The following RAP1GDS1 variants were observed in gnomAD, a reference collection of about 807,000 sequenced individuals.
The protein encoded by RAP1GDS1 is RAP1, GTP-GDP dissociation stimulator 1.
A neutral mutation model predicts 71.1 loss-of-function variants in RAP1GDS1; 35 were observed. That is an observed-to-expected ratio of 0.49 (90% CI 0.38 to 0.65). RAP1GDS1 has a LOEUF of 0.65. Among genes scored for constraint, RAP1GDS1 ranks in the 30% least tolerant of loss-of-function variants. The pLI is 0.00. For synonymous variants in RAP1GDS1, 229 were observed against 243.1 expected (o/e 0.94, Z 0.54); for missense variants, 663 against 706.1 (o/e 0.94, Z 0.69).
chr4:98,433,318 C>T (rs897299471), intron 12 of RAP1GDS1, among the ~76,000 whole-genome samples: 38 of 151,642 alleles, frequency 2.5e-4, no homozygotes, highest in African/African-American at 8.5e-4. Flanking sequence ...TTTTAAGAGG[C>T]AGGTTCTCAC....
At chr4:98,275,349 T>C (rs1412957391) in intron 1 of RAP1GDS1, among the ~76,000 whole-genome samples, 1 of 152,154 alleles carries the variant, frequency 6.6e-6, no homozygotes, top group African/African-American at 2.4e-5. Context: ...CAATTTGTAG[T>C]GCATCCAGCA....
intron 4 of RAP1GDS1, among the ~76,000 whole-genome samples, chr4:98,370,525 TCTC>T: frequency 6.6e-6 from 1 of 152,166 alleles, no homozygotes; most frequent in South Asian, 2.1e-4. Flanking sequence ...TATATTCTCT[TCTC>T]TATGCTTCTG....
At chr4:98,334,320 CT>C (rs757164783) in intron 2 of RAP1GDS1, among the ~76,000 whole-genome samples, 1 of 152,042 alleles carries the variant, frequency 6.6e-6, no homozygotes, top group Non-Finnish European at 1.5e-5. Flanking sequence ...AAAAAAACCT[CT>C]TTTACCCTTC....
Position 98,302,921 on chromosome 4 carries a change from C to T in RAP1GDS1, c.112+9406C>T, listed in dbSNP as rs181640197. Among the ~76,000 whole-genome samples, 92 of 152,232 alleles carry T rather than the reference C, an allele frequency of 6.0e-4. 1 individual carries two copies. The highest frequency in any genetic ancestry group is 2.1e-3 in the African/African-American group (89 of 41,534). On this transcript the variant is annotated intron_variant, in intron 2 of 14. Transcript: ENST00000408927. ...ATTAGCCGAGTCTGGTCATGCATGC[C>T]TGTAATCCTAGCTACCTGGGAGGCT...
At chr4:98,326,281 C>T (rs956611369) in intron 2 of RAP1GDS1, among the ~76,000 whole-genome samples, 3 of 152,112 alleles carry the variant, frequency 2.0e-5, no homozygotes, top group Non-Finnish European at 4.4e-5. Flanking sequence ...AAACCTCTAC[C>T]AAAAGTTACA....
At chr4:98,432,488 T>C (rs1457390201) in intron 12 of RAP1GDS1, among the ~76,000 whole-genome samples, 1 of 152,094 alleles carries the variant, frequency 6.6e-6, no homozygotes, top group Non-Finnish European at 1.5e-5. Context: ...CTAAAACAGA[T>C]TGATGGGGAA....
Position 98,377,457 on chromosome 4 carries a change from A to G in RAP1GDS1, c.362-1560A>G, listed in dbSNP as rs142544155. On this transcript the variant is annotated intron_variant, in intron 4 of 14. Transcript: ENST00000408927. ...TCATCTAGCTAGTTACTCTGGCAGT[A>G]TAAGAATTTTCTGTGATCTGATGAG... Among the ~76,000 whole-genome samples the G allele has an allele frequency of 7.9e-3, 1,206 of 151,972 alleles. 9 individuals carry two copies. Among genetic ancestry groups the G allele is most frequent in the African/African-American group, 0.024 (998 of 41,540 alleles).
At chr4:98,371,917 T>G (rs1740440244) in intron 4 of RAP1GDS1, among the ~76,000 whole-genome samples, 1 of 152,142 alleles carries the variant, frequency 6.6e-6, no homozygotes, top group Non-Finnish European at 1.5e-5. Context: ...CTTGCTTTTT[T>G]ACCCAATCTG....
chr4:98,281,318 G>A (rs1054176611), intron 1 of RAP1GDS1, among the ~76,000 whole-genome samples: 2 of 152,108 alleles, frequency 1.3e-5, no homozygotes, highest in Non-Finnish European at 2.9e-5. Flanking sequence ...TCCTTGAAGA[G>A]GTCGTTCACA....
At chr4:98,430,684 A>C (rs1750272172) in intron 12 of RAP1GDS1, among the ~76,000 whole-genome samples, 1 of 152,194 alleles carries the variant, frequency 6.6e-6, no homozygotes, top group Non-Finnish European at 1.5e-5. Flanking sequence ...ATCTGTTATT[A>C]CACTGGACGT....
chr4:98,373,944 G>A (rs1265221075), intron 4 of RAP1GDS1, among the ~76,000 whole-genome samples: 2 of 152,068 alleles, frequency 1.3e-5, no homozygotes, highest in African/African-American at 4.8e-5. Flanking sequence ...TGAATACACC[G>A]GGCAAAGAGG....
chr4:98,405,798 G>T (rs1746030063), intron 7 of RAP1GDS1, among the ~76,000 whole-genome samples: 1 of 151,922 alleles, frequency 6.6e-6, no homozygotes, highest in South Asian at 2.1e-4. Context: ...GAAGGAAAAT[G>T]ATATAGATGC....
chr4:98,417,917 A>T (rs1748244120), intron 9 of RAP1GDS1, among the ~76,000 whole-genome samples: 2 of 152,118 alleles, frequency 1.3e-5, no homozygotes, highest in Admixed American at 1.3e-4. Flanking sequence ...ATCGTGTAGA[A>T]TGTTTAATTT....
At chr4:98,308,023 T>G (rs1349647749) in intron 2 of RAP1GDS1, among the ~76,000 whole-genome samples, 2 of 151,876 alleles carry the variant, frequency 1.3e-5, no homozygotes, top group Admixed American at 1.3e-4. Flanking sequence ...CCGGGCACAG[T>G]GGCTCATACC....
intron 6 of RAP1GDS1, among the ~76,000 whole-genome samples, chr4:98,403,450 A>G (rs191919957): frequency 6.6e-6 from 1 of 152,124 alleles, no homozygotes; most frequent in African/African-American, 2.4e-5. Context: ...GCCTGTGCAG[A>G]TAGACAGAGT....
chr4:98,265,792 A>T (rs1268227458), intron 1 of RAP1GDS1, among the ~76,000 whole-genome samples: 5 of 152,126 alleles, frequency 3.3e-5, no homozygotes, highest in Admixed American at 6.5e-5. Context: ...AGAAAGAGTG[A>T]ATAGTTAATA....
intron 7 of RAP1GDS1, among the ~76,000 whole-genome samples, chr4:98,407,947 A>G (rs776918568): frequency 1.3e-5 from 2 of 152,174 alleles, no homozygotes; most frequent in African/African-American, 4.8e-5. Context: ...AGACAGTGGA[A>G]TTGGTAAACC....
intron 2 of RAP1GDS1, among the ~76,000 whole-genome samples, chr4:98,338,283 A>G (rs1734984333): frequency 6.6e-6 from 1 of 152,166 alleles, no homozygotes; most frequent in Non-Finnish European, 1.5e-5. Context: ...ATGAATTTAA[A>G]GGAAAGAGGG....
At chr4:98,269,132 A>G (rs1723094142) in intron 1 of RAP1GDS1, among the ~76,000 whole-genome samples, 1 of 142,758 alleles carries the variant, frequency 7.0e-6, no homozygotes, top group African/African-American at 2.6e-5. Context: ...CAGAATAGAG[A>G]GGCCAGAAAT....
Sources: allele counts gnomAD v4.1 joint callset (sites outside exome capture counted in the v4.1 genomes callset), GRCh38; gene constraint gnomAD v4.1.1; transcripts MANE v1.5; gene names NCBI Gene and HGNC (gene_info 2026-07-23, HGNC 2026-07-21).